Variants in DCAF6 observed in about 807,000 individuals in gnomAD.
DCAF6 encodes the protein DDB1 and CUL4 associated factor 6, also known as DDB1- and CUL4-associated factor 6.
A neutral mutation model predicts 125.1 loss-of-function variants in DCAF6; 54 were observed. The observed-to-expected ratio is 0.43, with a 90% CI of 0.35 to 0.54. The LOEUF (loss-of-function observed/expected upper bound fraction) is 0.54, where lower values mean the gene tolerates loss of function less well. Ranked by LOEUF, DCAF6 falls within the 20% of genes least tolerant of loss-of-function variation. DCAF6 has a pLI of 0.01. For synonymous variants in DCAF6, 371 were observed against 390.4 expected (o/e 0.95, Z 0.58); for missense variants, 934 against 1,161.7 (o/e 0.80, Z 2.85).
intron 9 of DCAF6, 60 bp from the exon 10 acceptor site, chr1:168,004,473 A>T: frequency 6.6e-7 from 1 of 1,509,118 alleles, no homozygotes. Flanking sequence ...ATATCTGTTT[A>T]GAGTTGTTGG....
chr1:168,072,325 A>T (rs12724587), intron 21 of DCAF6, among the ~76,000 whole-genome samples: 1 of 100,794 alleles, frequency 9.9e-6, no homozygotes, highest in Non-Finnish European at 2.2e-5. Flanking sequence ...AAAAAAAAAA[A>T]GAAAAGAAAA....
At chr1:167,917,590 CCT>C in the DCAF6 span, 2 of 140,084 alleles carry the variant, frequency 1.4e-5, no homozygotes, top group African/African-American at 2.7e-5. Context: ...AGAGCGAGAC[CCT>C]GTCTCAAAAA....
At chr1:168,073,526 T>TG (rs1158727586) in intron 21 of DCAF6, among the ~76,000 whole-genome samples, 1 of 151,480 alleles carries the variant, frequency 6.6e-6, no homozygotes, top group African/African-American at 2.5e-5. Flanking sequence ...GTCTCTTTAT[T>TG]GTGTGCCTCT....
intron 4 of DCAF6, among the ~76,000 whole-genome samples, chr1:167,979,059 G>A (rs528219026): frequency 7.9e-5 from 12 of 152,040 alleles, no homozygotes; most frequent in Non-Finnish European, 1.8e-4. Context: ...AAGTTATGAA[G>A]ATATTCTTCT....
At chr1:167,982,459 T>A (rs1679343331) in intron 4 of DCAF6, among the ~76,000 whole-genome samples, 1 of 152,168 alleles carries the variant, frequency 6.6e-6, no homozygotes, top group Non-Finnish European at 1.5e-5. Context: ...ACCAGGATGG[T>A]TTTGATCTCC....
intron 14 of DCAF6, 24 bp downstream of exon 14, chr1:168,043,164 T>A (rs1292294908): frequency 1.3e-6 from 2 of 1,551,458 alleles, no homozygotes; most frequent in Non-Finnish European, 1.8e-6. Context: ...TTGCTTTTGT[T>A]GTTATAAAAT....
the DCAF6 span, among the ~76,000 whole-genome samples, chr1:167,871,056 C>A: frequency 6.6e-6 from 1 of 152,078 alleles, no homozygotes. Flanking sequence ...GGCTATCTAA[C>A]CCTAAAGCTT....
the DCAF6 span, chr1:167,918,417 A>C: frequency 8.8e-7 from 1 of 1,138,522 alleles, no homozygotes; most frequent in East Asian, 2.4e-5. Flanking sequence ...ATTTATGGTA[A>C]GGAGAGAATG....
chr1:168,031,244 C>G lies in DCAF6; in HGVS notation c.1610-7127C>G, dbSNP rs149567403. ...CATCTCAAGAAAAATCAGAAAAATT[C>G]TAAAATTAAAAGATTTTGCCAGCGA... On this transcript the variant is annotated intron_variant, in intron 12 of 21. Coordinates refer to ENST00000367840, the MANE Select transcript of DCAF6 (RefSeq NM_001198956.2). Among the ~76,000 whole-genome samples the G allele has an allele frequency of 7.5e-4, 114 of 152,204 alleles. 3 individuals are homozygous for G. The East Asian group carries it at 0.02, about 27-fold the overall frequency.
chr1:168,064,843 A>G (rs527799808), intron 18 of DCAF6, among the ~76,000 whole-genome samples: 3 of 152,330 alleles, frequency 2.0e-5, no homozygotes, highest in Admixed American at 1.3e-4. Context: ...TGTTTCATTC[A>G]TGTGCATTCA....
intron 1 of DCAF6, among the ~76,000 whole-genome samples, chr1:167,942,959 T>C (rs1286975100): frequency 6.6e-6 from 1 of 152,126 alleles, no homozygotes; most frequent in Non-Finnish European, 1.5e-5. Context: ...CAGGCTGGAG[T>C]GCAGTGGCTC....
At chr1:168,069,250 TC>T (rs1407762613) in intron 21 of DCAF6, among the ~76,000 whole-genome samples, 2 of 152,168 alleles carry the variant, frequency 1.3e-5, no homozygotes, top group African/African-American at 4.8e-5. Flanking sequence ...AAGCCCTTAC[TC>T]CCCTTTGACC....
the DCAF6 span, among the ~76,000 whole-genome samples, chr1:167,921,498 A>G: frequency 6.6e-6 from 1 of 152,192 alleles, no homozygotes; most frequent in African/African-American, 2.4e-5. Flanking sequence ...CTGGGATTAC[A>G]GGTGTGAGCC....
At position 168,009,017 on chromosome 1, in the gene DCAF6, TAGAC is replaced by T. The variant is rs1209740459; in HGVS notation, c.1378+4228_1378+4231del. 5.3e-4 allele frequency among the ~76,000 whole-genome samples: 80 copies of T among 150,216 alleles called. 1 individual carries two copies. In the Middle Eastern group the frequency reaches 0.028, roughly 53 times the overall value. On this transcript the variant is annotated intron_variant, in intron 10 of 21. Coordinates refer to ENST00000367840, the MANE Select transcript of DCAF6 (RefSeq NM_001198956.2). ...TTCCTTTCTTTCTTTTTCTTCTTTTTAGACAGAGTCTTGCACTGTTGCCCAGGCT... is the reference window on the plus strand; with the variant it reads ...TTCCTTTCTTTCTTTTTCTTCTTTTTAGAGTCTTGCACTGTTGCCCAGGCT...
At chr1:167,933,753 G>A (rs1191149508), upstream of DCAF6, among the ~76,000 whole-genome samples, 1 of 152,114 alleles carries the variant, frequency 6.6e-6, no homozygotes, top group African/African-American at 2.4e-5. Flanking sequence ...ATCAGTCAAC[G>A]TATTTTTCAA....
intron 2 of DCAF6, among the ~76,000 whole-genome samples, chr1:167,965,537 T>G (rs540665794): frequency 3.3e-5 from 5 of 152,304 alleles, no homozygotes; most frequent in African/African-American, 1.2e-4. Context: ...AATCTGAAAT[T>G]TATTGTGAAA....
the DCAF6 span, among the ~76,000 whole-genome samples, chr1:167,872,194 C>T: frequency 6.6e-5 from 10 of 152,054 alleles, no homozygotes; most frequent in East Asian, 3.9e-4. Context: ...CAAAATTAGC[C>T]GGGCGTGGTG....
At chr1:167,935,683 G>C, upstream of DCAF6, 2 of 1,484,276 alleles carry the variant, frequency 1.3e-6, no homozygotes. Context: ...GTCCATTTTA[G>C]AGGAAGCGAG....
intron 4 of DCAF6, among the ~76,000 whole-genome samples, chr1:167,985,867 A>T (rs1476009580): frequency 1.3e-5 from 2 of 152,160 alleles, no homozygotes; most frequent in Non-Finnish European, 2.9e-5. Flanking sequence ...ACAGCCCCCC[A>T]TAAGTCCTTT....
Sources: allele counts gnomAD v4.1 joint callset (sites outside exome capture counted in the v4.1 genomes callset), GRCh38; gene constraint gnomAD v4.1.1; transcripts MANE v1.5; gene names NCBI Gene and HGNC (gene_info 2026-07-23, HGNC 2026-07-21).